Variants in SLC44A5 observed in about 807,000 individuals in gnomAD.
The protein encoded by SLC44A5 is solute carrier family 44 member 5.
SLC44A5 carries 57 observed loss-of-function variants against 101.8 expected under a neutral mutation model. The ratio of observed to expected loss-of-function variants is 0.56; its 90% CI spans 0.45 to 0.70. The LOEUF is 0.70. SLC44A5 is among the 30% of genes least tolerant of loss of function. The probability of loss-of-function intolerance (pLI) is 0.00; values close to 1 mark genes in which losing one functional copy is unlikely to be tolerated. For missense variants in SLC44A5, 737 were observed against 853.1 expected, an observed-to-expected ratio of 0.86 and a Z score of 1.70; for synonymous variants, 281 against 290.9, an observed-to-expected ratio of 0.97 and a Z score of 0.35.
At chr1:75,564,598 T>TAAA (rs1220518930) in intron 1 of SLC44A5, among the ~76,000 whole-genome samples, 96 of 143,480 alleles carry the variant, frequency 6.7e-4, no homozygotes, top group South Asian at 2.7e-3. Context: ...TACTTTTTTT[T>TAAA]TAATTTTTAT....
intron 3 of SLC44A5, among the ~76,000 whole-genome samples, chr1:75,355,556 A>T (rs776549137): frequency 1.4e-4 from 21 of 152,242 alleles, no homozygotes; most frequent in Non-Finnish European, 3.1e-4. Context: ...GAAATGTCTG[A>T]CAAAGAGGTC....
intron 1 of SLC44A5, among the ~76,000 whole-genome samples, chr1:75,578,046 A>G (rs760965294): frequency 7.2e-5 from 11 of 152,140 alleles, no homozygotes; most frequent in Non-Finnish European, 1.3e-4. Flanking sequence ...ATGACTATCA[A>G]GCTCCAAAGA....
At chr1:75,313,173 C>T (rs1249670) in intron 4 of SLC44A5, among the ~76,000 whole-genome samples, 94,908 of 151,988 alleles carry the variant, frequency 0.62, 30,400 homozygotes, top group East Asian at 0.85. Context: ...TCTGTTTTCC[C>T]GGGTACCAGG....
intron 2 of SLC44A5, among the ~76,000 whole-genome samples, chr1:75,453,174 C>G (rs60764104): frequency 6.6e-6 from 1 of 151,764 alleles, no homozygotes; most frequent in African/African-American, 2.4e-5. Context: ...AAAAACTGAA[C>G]TCATACTTTA....
intron 1 of SLC44A5, among the ~76,000 whole-genome samples, chr1:75,559,205 A>G (rs1197309589): frequency 6.6e-6 from 1 of 152,090 alleles, no homozygotes; most frequent in Non-Finnish European, 1.5e-5. Context: ...ACAGTTCCTA[A>G]TAGGTACTCA....
At chr1:75,274,109 C>T (rs538472620) in intron 6 of SLC44A5, among the ~76,000 whole-genome samples, 33 of 152,028 alleles carry the variant, frequency 2.2e-4, no homozygotes, top group African/African-American at 7.7e-4. Context: ...GCATAGACAA[C>T]ATAACTGAAG....
At chr1:75,362,007 G>A (rs1456944183) in intron 3 of SLC44A5, among the ~76,000 whole-genome samples, 1 of 151,918 alleles carries the variant, frequency 6.6e-6, no homozygotes, top group African/African-American at 2.4e-5. Flanking sequence ...GATCTATTCA[G>A]ATTTTTTATT....
intron 3 of SLC44A5, among the ~76,000 whole-genome samples, chr1:75,386,468 A>C (rs1439884006): frequency 2.0e-5 from 3 of 152,214 alleles, no homozygotes; most frequent in African/African-American, 4.8e-5. Flanking sequence ...AATTGCTTCA[A>C]AGAGAATAAA....
At chr1:75,294,700 A>G (rs1222368022) in intron 5 of SLC44A5, among the ~76,000 whole-genome samples, 2 of 152,166 alleles carry the variant, frequency 1.3e-5, no homozygotes, top group Non-Finnish European at 2.9e-5. Context: ...TCAAGCCTTA[A>G]AAAAGAAGAA....
At chr1:75,394,362 G>A (rs1417491869) in intron 3 of SLC44A5, among the ~76,000 whole-genome samples, 1 of 152,192 alleles carries the variant, frequency 6.6e-6, no homozygotes. Context: ...GAGAATAGGA[G>A]AAAAGTGGAG....
At chr1:75,370,984 A>G (rs1660184501) in intron 3 of SLC44A5, among the ~76,000 whole-genome samples, 1 of 152,182 alleles carries the variant, frequency 6.6e-6, no homozygotes, top group African/African-American at 2.4e-5. Context: ...ATTAAGAAAG[A>G]GGAGTGAGGA....
chr1:75,554,903 T>A (rs1672135395), intron 1 of SLC44A5, among the ~76,000 whole-genome samples: 1 of 151,178 alleles, frequency 6.6e-6, no homozygotes, highest in African/African-American at 2.4e-5. Context: ...CAAAACACAA[T>A]AATAAAAGGT....
intron 2 of SLC44A5, among the ~76,000 whole-genome samples, chr1:75,414,300 TAC>T (rs1420905119): frequency 2.6e-4 from 38 of 145,096 alleles, no homozygotes; most frequent in African/African-American, 1.0e-3. Context: ...CATACATACA[TAC>T]ATACATACAT....
intron 1 of SLC44A5, among the ~76,000 whole-genome samples, chr1:75,585,252 G>A (rs945467317): frequency 7.2e-5 from 11 of 152,010 alleles, no homozygotes; most frequent in Admixed American, 2.0e-4. Flanking sequence ...ACTTTTTTCT[G>A]GTAGATCACA....
chr1:75,388,809 A>G (rs1399096810), intron 3 of SLC44A5, among the ~76,000 whole-genome samples: 7 of 151,850 alleles, frequency 4.6e-5, no homozygotes, highest in Admixed American at 1.3e-4. Context: ...AAACTCACAT[A>G]TCAATATTAA....
At chr1:75,315,856 C>T (rs770671497) in intron 4 of SLC44A5, among the ~76,000 whole-genome samples, 1 of 152,120 alleles carries the variant, frequency 6.6e-6, no homozygotes, top group African/African-American at 2.4e-5. Context: ...AAAATTCTGC[C>T]ATTCTTGACT....
intron 5 of SLC44A5, among the ~76,000 whole-genome samples, chr1:75,289,886 A>G (rs1158746910): frequency 6.6e-6 from 1 of 152,230 alleles, no homozygotes; most frequent in East Asian, 1.9e-4. Flanking sequence ...ATATTAGACA[A>G]TCAATGGCCA....
At chr1:75,290,188 C>T (rs1653420714) in intron 5 of SLC44A5, among the ~76,000 whole-genome samples, 1 of 152,186 alleles carries the variant, frequency 6.6e-6, no homozygotes, top group Non-Finnish European at 1.5e-5. Context: ...GAACCCCATT[C>T]ACCCAGAAGT....
At chr1:75,615,920 G>A (rs937992675), upstream of SLC44A5, 9 of 978,540 alleles carry the variant, frequency 9.2e-6, no homozygotes, top group African/African-American at 1.4e-4. Context: ...GACCCCCCAC[G>A]CGCTTCCTCC....
Sources: allele counts gnomAD v4.1 joint callset (sites outside exome capture counted in the v4.1 genomes callset), GRCh38; gene constraint gnomAD v4.1.1; transcripts MANE v1.5; gene names NCBI Gene and HGNC (gene_info 2026-07-23, HGNC 2026-07-21).